The following CACHD1 variants were observed in gnomAD, a reference collection of about 807,000 sequenced individuals.
CACHD1 encodes the protein VWFA and cache domain-containing protein 1.
In CACHD1, 71 loss-of-function variants were observed where a neutral mutation model predicts 138.7. The observed-to-expected ratio is 0.51, with a 90% CI of 0.42 to 0.62. The LOEUF (loss-of-function observed/expected upper bound fraction) is 0.62. Among genes scored for constraint, CACHD1 ranks in the 20% least tolerant of loss-of-function variants. The pLI is 0.00. For missense variants in CACHD1, 1,389 were observed against 1,625.3 expected (o/e 0.85, Z 2.50); for synonymous variants, 578 against 591.5 (o/e 0.98, Z 0.33).
At chr1:64,514,772 T>C (rs192066930) in intron 1 of CACHD1, among the ~76,000 whole-genome samples, 1 of 152,248 alleles carries the variant, frequency 6.6e-6, no homozygotes, top group East Asian at 1.9e-4. Context: ...TCAAATGCCT[T>C]GGTGAAAATA....
intron 12 of CACHD1, among the ~76,000 whole-genome samples, chr1:64,656,022 C>T (rs1427141384): frequency 1.3e-5 from 2 of 152,190 alleles, no homozygotes; most frequent in African/African-American, 4.8e-5. Flanking sequence ...GTGGTGGATG[C>T]AGACAAACAG....
Position 64,653,935 on chromosome 1 carries a change from C to G in CACHD1, c.1664+54C>G, listed in dbSNP as rs1047348962. On this transcript the variant is annotated intron_variant, in intron 11 of 26. Coordinates refer to ENST00000651257, the MANE Select transcript of CACHD1 (RefSeq NM_020925.4). The stretch of plus-strand genomic sequence containing the variant: ...GTTTTTCCCTGAGAATGGGACCCAT[C>G]AAAGCCACATACGAGTATTTACTAC... 7.3e-6 allele frequency: 11 copies of G among 1,500,498 alleles called. No homozygotes were observed. The African/African-American group carries it at 1.5e-4, about 21-fold the overall frequency. 92.9% of individuals were successfully genotyped at this position (1,500,498 alleles called of 1,614,324 possible).
intron 2 of CACHD1, among the ~76,000 whole-genome samples, chr1:64,577,586 C>T (rs11208470): frequency 0.15 from 22,115 of 152,108 alleles, 1,700 homozygotes; most frequent in Admixed American, 0.21. Flanking sequence ...GAGCAAATTA[C>T]CCCTTAGTGT....
chr1:64,569,598 T>G (rs922198012), intron 2 of CACHD1, among the ~76,000 whole-genome samples: 1 of 152,124 alleles, frequency 6.6e-6, no homozygotes, highest in East Asian at 1.9e-4. Flanking sequence ...GGAAGAGACA[T>G]GTAAGCTCCC....
At chr1:64,509,390 G>A (rs1646401756) in intron 1 of CACHD1, among the ~76,000 whole-genome samples, 1 of 152,102 alleles carries the variant, frequency 6.6e-6, no homozygotes, top group Non-Finnish European at 1.5e-5. Context: ...GCCATAATAA[G>A]GAATTGATGA....
At chr1:64,635,032 T>C (rs1648468502) in intron 7 of CACHD1, among the ~76,000 whole-genome samples, 2 of 142,226 alleles carry the variant, frequency 1.4e-5, no homozygotes, top group Admixed American at 7.1e-5. Context: ...TGGGATAAAA[T>C]TGTCATATGT....
At chr1:64,540,240 A>T (rs1646666490) in intron 1 of CACHD1, among the ~76,000 whole-genome samples, 1 of 152,162 alleles carries the variant, frequency 6.6e-6, no homozygotes, top group South Asian at 2.1e-4. Context: ...CTCCAAGAAT[A>T]CATGTATGGC....
At chr1:64,530,142 G>C (rs1056322159) in intron 1 of CACHD1, among the ~76,000 whole-genome samples, 6 of 152,188 alleles carry the variant, frequency 3.9e-5, no homozygotes, top group Non-Finnish European at 7.4e-5. Flanking sequence ...ATTATGTTTA[G>C]CGTTTTGCCC....
intron 13 of CACHD1, among the ~76,000 whole-genome samples, chr1:64,661,282 C>CA (rs111442599): frequency 0.022 from 3,408 of 152,020 alleles, 139 homozygotes; most frequent in African/African-American, 0.077. Context: ...CACAAAGAGA[C>CA]AAAGAAAAAA....
At chr1:64,683,265 A>G (rs896842514) in intron 26 of CACHD1, among the ~76,000 whole-genome samples, 4 of 152,178 alleles carry the variant, frequency 2.6e-5, no homozygotes, top group African/African-American at 4.8e-5. Context: ...ATGGAGAACC[A>G]CAGCAGAACT....
intron 1 of CACHD1, among the ~76,000 whole-genome samples, chr1:64,543,726 G>A (rs926838057): frequency 2.0e-5 from 3 of 152,008 alleles, no homozygotes; most frequent in Admixed American, 1.3e-4. Context: ...AAAATCAGAT[G>A]AGGTCTAATC....
intron 2 of CACHD1, among the ~76,000 whole-genome samples, chr1:64,553,009 AAC>A (rs138657743): frequency 0.1 from 15,857 of 152,200 alleles, 870 homozygotes; most frequent in African/African-American, 0.14. Flanking sequence ...CCTCTGGAAG[AAC>A]ACTTAACAAA....
chr1:64,479,469 G>A (rs1259411620), intron 1 of CACHD1, among the ~76,000 whole-genome samples: 1 of 152,168 alleles, frequency 6.6e-6, no homozygotes, highest in Non-Finnish European at 1.5e-5. Context: ...TTGAGGAAAA[G>A]CATAGCACCT....
At position 64,691,605 on chromosome 1, in the gene CACHD1, G is replaced by T; in HGVS notation, c.*44G>T. The T allele has an allele frequency of 5.1e-6, 8 of 1,558,188 alleles. No individual in the cohort carries two copies. Among genetic ancestry groups the T allele is most frequent in the Non-Finnish European group, 7.1e-6 (8 of 1,131,076 alleles). On this transcript the variant is annotated 3_prime_UTR_variant, in exon 27 of 27. Transcript: ENST00000651257. ...GCCAAGATGAGATCTGGGAGCTACAGAATGTTCTGGAAAGAAAAAGAACCG... is the reference window on the plus strand; with the variant it reads ...GCCAAGATGAGATCTGGGAGCTACATAATGTTCTGGAAAGAAAAAGAACCG...
chr1:64,592,418 T>C (rs1647113769), intron 3 of CACHD1, among the ~76,000 whole-genome samples: 1 of 152,158 alleles, frequency 6.6e-6, no homozygotes, highest in Non-Finnish European at 1.5e-5. Flanking sequence ...AGGCAGTCTG[T>C]GGCAAATGTC....
At chr1:64,664,421 G>T in intron 14 of CACHD1, 77 bp from the exon 15 acceptor site, 1 of 1,419,444 alleles carries the variant, frequency 7.0e-7, no homozygotes, top group South Asian at 1.3e-5. Context: ...ACAGAGCTTT[G>T]GGAACACTGC....
At chr1:64,643,886 T>C (rs1195536595) in intron 8 of CACHD1, among the ~76,000 whole-genome samples, 1 of 152,206 alleles carries the variant, frequency 6.6e-6, no homozygotes, top group Non-Finnish European at 1.5e-5. Context: ...TTATATGGTT[T>C]CCTGTCTCAG....
In CACHD1 at chr1:64,634,194, G is replaced by C. The variant is rs770584445; in HGVS notation, c.940G>C (p.Ala314Pro). 6.2e-7 allele frequency: 1 copy of C among 1,613,788 alleles called. No homozygotes were observed. The highest frequency in any genetic ancestry group is 8.5e-7 in the Non-Finnish European group (1 of 1,179,950). ...GTCTTCAGACAGTCCTACCCAGCAC[G>C]CAGTGGGATTCCAAAAGGCATTTCA... ...VKSSDSPTQHAVGFQKAFQLI... is the reference protein window; with the variant it reads ...VKSSDSPTQHPVGFQKAFQLI... Residue 314 changes from alanine (A) to proline (P), a missense_variant, in exon 7 of 27, where the codon GCA (alanine) becomes CCA (proline). Physicochemically the swap from Ala to Pro is conservative, Grantham distance 27 (BLOSUM62 -1). Coordinates refer to ENST00000651257, the MANE Select transcript of CACHD1 (RefSeq NM_020925.4).
intron 2 of CACHD1, among the ~76,000 whole-genome samples, chr1:64,553,539 GTAA>G (rs1334464045): frequency 2.0e-5 from 3 of 152,176 alleles, no homozygotes; most frequent in African/African-American, 7.2e-5. Context: ...CAGCTAGTAG[GTAA>G]TTAAGCTGGC....
Sources: allele counts gnomAD v4.1 joint callset (sites outside exome capture counted in the v4.1 genomes callset), GRCh38; gene constraint gnomAD v4.1.1; transcripts MANE v1.5; gene names NCBI Gene and HGNC (gene_info 2026-07-23, HGNC 2026-07-21).